Variants in CAMK1D observed in about 807,000 individuals in gnomAD.
The protein encoded by CAMK1D is calcium/calmodulin-dependent protein kinase type 1D.
In CAMK1D, 9 loss-of-function variants were observed where a neutral mutation model predicts 47.7. The observed-to-expected ratio is 0.19, with a 90% CI of 0.11 to 0.33. The LOEUF is 0.33. Among genes scored for constraint, CAMK1D ranks in the 10% least tolerant of loss-of-function variants. CAMK1D has a pLI of 1.00. For synonymous variants in CAMK1D, 184 were observed against 184.9 expected, an observed-to-expected ratio of 0.99 and a Z score of 0.04; for missense variants, 291 against 488.7, an observed-to-expected ratio of 0.60 and a Z score of 3.81.
At chr10:12,533,865 G>T (rs1409685344) in intron 1 of CAMK1D, among the ~76,000 whole-genome samples, 3 of 152,128 alleles carry the variant, frequency 2.0e-5, no homozygotes, top group Admixed American at 6.5e-5. Context: ...GTTTATTTCT[G>T]TTCCATCACC....
intron 1 of CAMK1D, among the ~76,000 whole-genome samples, chr10:12,524,869 T>C (rs1475787271): frequency 6.6e-6 from 1 of 152,242 alleles, no homozygotes; most frequent in Non-Finnish European, 1.5e-5. Context: ...TCATTTTCCT[T>C]CCACCTGAAG....
chr10:12,551,373 G>T (rs1305098585), intron 1 of CAMK1D, among the ~76,000 whole-genome samples: 2 of 152,198 alleles, frequency 1.3e-5, no homozygotes, highest in African/African-American at 4.8e-5. Context: ...CCGACTAGTT[G>T]CAGGAAAACA....
At chr10:12,387,964 G>A (rs1185541492) in intron 1 of CAMK1D, among the ~76,000 whole-genome samples, 1 of 152,146 alleles carries the variant, frequency 6.6e-6, no homozygotes, top group African/African-American at 2.4e-5. Context: ...GTGAGCAGAT[G>A]GAGCCCACTG....
intron 2 of CAMK1D, among the ~76,000 whole-genome samples, chr10:12,583,580 G>T (rs1391035913): frequency 2.6e-5 from 4 of 150,970 alleles, no homozygotes; most frequent in African/African-American, 9.7e-5. Context: ...CTTTGGTTTT[G>T]TGTGTGTTTT....
chr10:12,426,871 C>T (rs992631509), intron 1 of CAMK1D, among the ~76,000 whole-genome samples: 7 of 152,244 alleles, frequency 4.6e-5, no homozygotes, highest in South Asian at 2.1e-4. Flanking sequence ...CATGCCACCA[C>T]GCCCAGCTAA....
chr10:12,514,198 G>A (rs143963924), intron 1 of CAMK1D, among the ~76,000 whole-genome samples: 1 of 152,268 alleles, frequency 6.6e-6, no homozygotes, highest in Non-Finnish European at 1.5e-5. Flanking sequence ...GTTTTATCTC[G>A]CTGCTTCCAC....
chr10:12,479,711 C>T (rs1469200230), intron 1 of CAMK1D, among the ~76,000 whole-genome samples: 1 of 152,156 alleles, frequency 6.6e-6, no homozygotes, highest in Non-Finnish European at 1.5e-5. Context: ...CTGTCACTGC[C>T]CAGGAGGCAC....
intron 2 of CAMK1D, among the ~76,000 whole-genome samples, chr10:12,589,434 C>G (rs1288713438): frequency 6.6e-6 from 1 of 152,216 alleles, no homozygotes; most frequent in Non-Finnish European, 1.5e-5. Context: ...AAAACGAAGC[C>G]CGCAGGCCAT....
At chr10:12,824,271 G>T (rs367729265) in intron 8 of CAMK1D, among the ~76,000 whole-genome samples, 194 bp from the exon 9 acceptor site, 2 of 152,192 alleles carry the variant, frequency 1.3e-5, no homozygotes, top group South Asian at 4.2e-4. Context: ...AGGACTTTGT[G>T]GTGAGGGGTT....
chr10:12,523,099 C>CCT (rs1835489696), intron 1 of CAMK1D, among the ~76,000 whole-genome samples: 1 of 151,642 alleles, frequency 6.6e-6, no homozygotes, highest in Non-Finnish European at 1.5e-5. Flanking sequence ...GGGCTCCTCA[C>CCT]TTCTCAGACG....
At chr10:12,821,052 TGCAATTGTGGGGACCG>T (rs1300845905) in intron 8 of CAMK1D, among the ~76,000 whole-genome samples, 1 of 152,208 alleles carries the variant, frequency 6.6e-6, no homozygotes, top group Admixed American at 6.5e-5. Flanking sequence ...GCCTGTTTCC[TGCAATTGTGGGGACCG>T]GCAAATCAAA....
At chr10:12,645,409 A>G (rs183667327) in intron 2 of CAMK1D, among the ~76,000 whole-genome samples, 13 of 152,332 alleles carry the variant, frequency 8.5e-5, no homozygotes, top group Non-Finnish European at 1.3e-4. Flanking sequence ...ACAAACGTCA[A>G]ATCGGCTTAA....
intron 1 of CAMK1D, among the ~76,000 whole-genome samples, chr10:12,478,785 C>G (rs1205598437): frequency 6.6e-6 from 1 of 152,146 alleles, no homozygotes; most frequent in African/African-American, 2.4e-5. Flanking sequence ...CTTAGCCTCT[C>G]TCTCATGCTC....
At chr10:12,638,298 T>G (rs987231423) in intron 2 of CAMK1D, among the ~76,000 whole-genome samples, 7 of 152,174 alleles carry the variant, frequency 4.6e-5, no homozygotes, top group Non-Finnish European at 1.0e-4. Context: ...AAGTCCATAC[T>G]CTAAGCCTGC....
chr10:12,357,720 T>C (rs897687487), intron 1 of CAMK1D, among the ~76,000 whole-genome samples: 1 of 152,144 alleles, frequency 6.6e-6, no homozygotes, highest in Non-Finnish European at 1.5e-5. Flanking sequence ...AGATGGTCAA[T>C]TCCGTGCTTA....
intron 2 of CAMK1D, among the ~76,000 whole-genome samples, chr10:12,598,065 A>G (rs930677594): frequency 1.3e-5 from 2 of 152,242 alleles, no homozygotes; most frequent in Non-Finnish European, 2.9e-5. Context: ...AGTTGCAGAC[A>G]TCCTCCTATG....
At chr10:12,377,146 A>G (rs556886083) in intron 1 of CAMK1D, among the ~76,000 whole-genome samples, 75 of 152,328 alleles carry the variant, frequency 4.9e-4, no homozygotes, top group South Asian at 3.9e-3. Context: ...TGAAACATCC[A>G]GAGAACCCTG....
At chr10:12,462,739 T>C (rs1221771212) in intron 1 of CAMK1D, among the ~76,000 whole-genome samples, 1 of 152,198 alleles carries the variant, frequency 6.6e-6, no homozygotes, top group Non-Finnish European at 1.5e-5. Context: ...TTTCCCAGGC[T>C]GGAGTGCAGT....
At chr10:12,633,523 C>T (rs1296889432) in intron 2 of CAMK1D, among the ~76,000 whole-genome samples, 1 of 152,140 alleles carries the variant, frequency 6.6e-6, no homozygotes, top group Admixed American at 6.5e-5. Context: ...TGTAGATACT[C>T]GGTTCCGAGG....
Sources: gnomAD v4.1 joint callset for allele counts (sites outside exome capture counted in the v4.1 genomes callset) on GRCh38, gnomAD v4.1.1 for gene constraint, MANE v1.5 for transcripts, NCBI Gene and HGNC (gene_info 2026-07-23, HGNC 2026-07-21) for gene names.